Variants in PARG observed in about 807,000 individuals in gnomAD.
The protein encoded by PARG is poly(ADP-ribose) glycohydrolase.
PARG carries 35 observed loss-of-function variants against 113.0 expected under a neutral mutation model. The ratio of observed to expected loss-of-function variants is 0.31; its 90% CI spans 0.24 to 0.41. The LOEUF is 0.41. Among genes scored for constraint, PARG ranks in the 10% least tolerant of loss-of-function variants. The probability of loss-of-function intolerance (pLI) is 1.00; values close to 1 mark genes in which losing one functional copy is unlikely to be tolerated. For synonymous variants in PARG, 330 were observed against 409.9 expected, an observed-to-expected ratio of 0.81 and a Z score of 2.36; for missense variants, 797 against 1,169.4, an observed-to-expected ratio of 0.68 and a Z score of 4.64.
At chr10:49,827,873 G>C (rs1321371080) in intron 16 of PARG, among the ~76,000 whole-genome samples, 1 of 151,854 alleles carries the variant, frequency 6.6e-6, no homozygotes, top group Non-Finnish European at 1.5e-5. Context: ...AGAAGTTCAA[G>C]AAACACCAAA....
chr10:49,925,229 C>A (rs1251171741), intron 4 of PARG, among the ~76,000 whole-genome samples: 2 of 151,960 alleles, frequency 1.3e-5, no homozygotes, highest in African/African-American at 4.8e-5. Flanking sequence ...CCAGGTCTTC[C>A]CTGATCCAGT....
Position 49,933,953 on chromosome 10 carries a change from C to G in PARG, c.495G>C (p.Glu165Asp). 1 of 1,600,916 alleles carries G rather than the reference C, an allele frequency of 6.2e-7. No homozygotes were observed. Residue 165 changes from glutamate (E) to aspartate (D), a missense_variant, in exon 3 of 18, where the codon GAG becomes GAC. By Grantham distance (45) the Glu-to-Asp change is conservative. Coordinates refer to ENST00000616448, the MANE Select transcript of PARG (RefSeq NM_003631.5). ...CKWQNEGKHT[E>D]QLLESEPQTV... ...TTTGAGGTTCACTTTCCAAAAGCTG[C>G]TCCGTGTGTTTCCCTTCATTTTGCC...
intron 2 of PARG, among the ~76,000 whole-genome samples, chr10:49,934,729 G>A (rs1433910885): frequency 6.6e-6 from 1 of 151,728 alleles, no homozygotes. Context: ...GGCGCCTGTA[G>A]TCCCAGCTAC....
Position 49,941,775 on chromosome 10 carries a change from C to T in PARG, c.-50G>A. ...CCGGGCCGGCCCGGGCGGAGAGCCT[C>T]ATTCACTAACCCTGAGAGAGATGGA... On this transcript the variant is annotated 5_prime_UTR_variant, in exon 1 of 18. An upstream start codon of the reference 5' UTR is lost. Transcript: ENST00000616448. The T allele has an allele frequency of 6.5e-7, 1 of 1,540,978 alleles. No homozygotes were observed. Among genetic ancestry groups the T allele is most frequent in the South Asian group, 1.2e-5 (1 of 83,896 alleles).
At chr10:49,820,005 ACT>A (rs536206872) in intron 17 of PARG, among the ~76,000 whole-genome samples, 158 bp downstream of exon 17, 31 of 152,124 alleles carry the variant, frequency 2.0e-4, no homozygotes, top group African/African-American at 7.2e-4. Context: ...GAACAAAAAG[ACT>A]CTGCAAATGC....
At chr10:49,822,954 G>T (rs1212938623) in intron 16 of PARG, among the ~76,000 whole-genome samples, 1 of 152,148 alleles carries the variant, frequency 6.6e-6, no homozygotes, top group Non-Finnish European at 1.5e-5. Flanking sequence ...TCAAAAGGAG[G>T]CTAACAAACA....
intron 16 of PARG, among the ~76,000 whole-genome samples, chr10:49,826,171 C>T (rs1844350838): frequency 1.3e-5 from 2 of 152,100 alleles, no homozygotes; most frequent in South Asian, 4.1e-4. Context: ...CATTATCATG[C>T]CAGACCCCAT....
intron 13 of PARG, among the ~76,000 whole-genome samples, chr10:49,846,369 A>C (rs1554833328): frequency 7.9e-6 from 1 of 126,686 alleles, no homozygotes; most frequent in African/African-American, 3.2e-5. Flanking sequence ...GAGGTGATAG[A>C]CATGTTTTTT....
At chr10:49,839,001 T>G (rs1845091080) in intron 15 of PARG, among the ~76,000 whole-genome samples, 1 of 152,208 alleles carries the variant, frequency 6.6e-6, no homozygotes, top group Non-Finnish European at 1.5e-5. Context: ...CTTATGTAAC[T>G]TCTAAAATAT....
intron 7 of PARG, among the ~76,000 whole-genome samples, chr10:49,897,099 T>C (rs1344323400): frequency 6.6e-6 from 1 of 152,220 alleles, no homozygotes; most frequent in Non-Finnish European, 1.5e-5. Flanking sequence ...ATCCTTTCTG[T>C]TGCTTGTTTG....
At chr10:49,880,556 A>C (rs1310829999) in intron 8 of PARG, among the ~76,000 whole-genome samples, 4 of 152,204 alleles carry the variant, frequency 2.6e-5, no homozygotes, top group Non-Finnish European at 5.9e-5. Context: ...ACACGACCTG[A>C]GTATTGTGTT....
At chr10:49,837,151 G>A (rs1032641473) in intron 15 of PARG, among the ~76,000 whole-genome samples, 2 of 152,010 alleles carry the variant, frequency 1.3e-5, no homozygotes, top group Non-Finnish European at 2.9e-5. Context: ...TGCAGGTCAC[G>A]ATGTGGGTCC....
At chr10:49,928,271 GAA>G (rs546085753) in intron 4 of PARG, among the ~76,000 whole-genome samples, 1 of 139,646 alleles carries the variant, frequency 7.2e-6, no homozygotes. Context: ...ACTCCATCTC[GAA>G]AAAAAAAAAA....
rs782399515 is a variant in PARG, at chr10:49,857,332, T to C, written c.2327A>G (p.Asp776Gly). 2.4e-6 allele frequency: 3 copies of C among 1,227,830 alleles called. No individual in the cohort carries two copies. Among genetic ancestry groups the C allele is most frequent in the Non-Finnish European group, 3.5e-6 (3 of 847,434 alleles). The allele number at this position is 1,227,830 out of a possible 1,614,324, so 76.1% of individuals were successfully genotyped here. A position where few individuals can be genotyped will look rare whatever the true frequency, so the allele number is the denominator to read the frequency against. The change falls in exon 13 of 18, where the codon GAT becomes GGT. Residue 776 changes from aspartate (D) to glycine (G), a missense_variant. Around this residue, in one of 5 missense-constraint regions of PARG, gnomAD observed 40 missense variants for 124.5 expected, o/e 0.32. Transcript: ENST00000616448. Reference sequence around the variant, plus strand: ...TGTGATAATTAGACATTCATTGTGATCCAGCACCTCAGTGAAGAGCCGTGA... The same window carrying C: ...TGTGATAATTAGACATTCATTGTGACCCAGCACCTCAGTGAAGAGCCGTGA... ...IISRLFTEVL[D>G]HNECLIITGT...
chr10:49,849,602 C>G (rs1845665976), intron 13 of PARG, among the ~76,000 whole-genome samples: 1 of 152,218 alleles, frequency 6.6e-6, no homozygotes, highest in African/African-American at 2.4e-5. Context: ...TCCAAACTTA[C>G]ATAATTGTAT....
chr10:49,911,182 C>T (rs1837161782), intron 7 of PARG, among the ~76,000 whole-genome samples: 1 of 151,448 alleles, frequency 6.6e-6, no homozygotes, highest in African/African-American at 2.4e-5. Context: ...ACTCAGGAGG[C>T]TGAGGCGGGA....
intron 7 of PARG, among the ~76,000 whole-genome samples, chr10:49,902,155 G>A (rs1431668886): frequency 1.3e-5 from 2 of 152,176 alleles, no homozygotes; most frequent in African/African-American, 4.8e-5. Flanking sequence ...AGATTCAGGG[G>A]TTTTCAGACA....
chr10:49,895,640 A>C (rs1564639328), intron 7 of PARG, among the ~76,000 whole-genome samples: 2 of 152,042 alleles, frequency 1.3e-5, no homozygotes. Flanking sequence ...TCCTGTCCTC[A>C]AGTGATCCAC....
At chr10:49,857,166 C>T (rs880002581) in intron 13 of PARG, 140 bp downstream of exon 13, 671 of 547,612 alleles carry the variant, frequency 1.2e-3, no homozygotes, top group Non-Finnish European at 1.2e-3. Flanking sequence ...ATTTCAAAAA[C>T]TAAGTATAAA....
Sources: gnomAD v4.1 joint callset for allele counts (sites outside exome capture counted in the v4.1 genomes callset) on GRCh38, gnomAD v4.1.1 for gene constraint, gnomAD v4.1.1 regional missense constraint, MANE v1.5 for transcripts, NCBI Gene and HGNC (gene_info 2026-07-23, HGNC 2026-07-21) for gene names.